The following ANKRD55 variants were observed in gnomAD, a reference collection of about 807,000 sequenced individuals.
ANKRD55 encodes ankyrin repeat domain-containing protein 55.
Under a neutral mutation model 60.6 loss-of-function variants are expected in ANKRD55, and 41 were observed. That is an observed-to-expected ratio of 0.68 (90% CI 0.53 to 0.88). The LOEUF (loss-of-function observed/expected upper bound fraction) is 0.88, where lower values mean the gene tolerates loss of function less well. Among genes scored for constraint, ANKRD55 ranks in the 40% least tolerant of loss-of-function variants. The pLI, the probability that ANKRD55 is intolerant of heterozygous loss-of-function variation, is 0.00. For synonymous variants in ANKRD55, 264 were observed against 290.3 expected, an observed-to-expected ratio of 0.91 and a Z score of 0.92; for missense variants, 732 against 767.6, an observed-to-expected ratio of 0.95 and a Z score of 0.55.
At chr5:56,135,368 C>CTTTCTTTCTTTCTTTCT in intron 7 of ANKRD55, among the ~76,000 whole-genome samples, 1 of 49,190 alleles carries the variant, frequency 2.0e-5, no homozygotes, top group South Asian at 5.8e-4. Context: ...TCTTTCTTTC[C>CTTTCTTTCTTTCTTTCT]TTCTTTCTTT....
At chr5:56,135,294 G>GCTTGCTTGCTTT (rs1757547051) in intron 7 of ANKRD55, among the ~76,000 whole-genome samples, 5 of 84,460 alleles carry the variant, frequency 5.9e-5, no homozygotes, top group South Asian at 5.3e-4. Flanking sequence ...CTGCCTGCTT[G>GCTTGCTTGCTTT]CTTTCTTTCT....
chr5:56,179,800 T>G (rs1758816778), intron 3 of ANKRD55, among the ~76,000 whole-genome samples: 1 of 152,206 alleles, frequency 6.6e-6, no homozygotes, highest in Non-Finnish European at 1.5e-5. Context: ...TCCTGGGTGG[T>G]GCAAAGTAAT....
At chr5:56,188,796 T>C (rs1561285992) in intron 2 of ANKRD55, among the ~76,000 whole-genome samples, 1 of 152,210 alleles carries the variant, frequency 6.6e-6, no homozygotes, top group Non-Finnish European at 1.5e-5. Flanking sequence ...GTGTATTCGT[T>C]TGGATTTTCT....
At chr5:56,221,002 C>G (rs894487677) in intron 2 of ANKRD55, among the ~76,000 whole-genome samples, 1 of 152,188 alleles carries the variant, frequency 6.6e-6, no homozygotes, top group Non-Finnish European at 1.5e-5. Context: ...TGCTTCTAAA[C>G]CAGTACTGGT....
chr5:56,210,434 C>T (rs960907419), intron 2 of ANKRD55, among the ~76,000 whole-genome samples: 1 of 151,752 alleles, frequency 6.6e-6, no homozygotes, highest in Non-Finnish European at 1.5e-5. Context: ...CGGTGGCGGG[C>T]GCCTGTAGTC....
intron 2 of ANKRD55, among the ~76,000 whole-genome samples, chr5:56,195,317 A>G (rs1759204485): frequency 6.6e-6 from 1 of 152,250 alleles, no homozygotes; most frequent in African/African-American, 2.4e-5. Flanking sequence ...TGAGTGTGTC[A>G]TAACAGAATA....
At chr5:56,184,535 A>T (rs1758925057) in intron 2 of ANKRD55, among the ~76,000 whole-genome samples, 1 of 152,038 alleles carries the variant, frequency 6.6e-6, no homozygotes, top group Admixed American at 6.5e-5. Context: ...ACTGTAGGCA[A>T]CTCCTTTGAA....
At chr5:56,175,869 C>G (rs1382768828) in intron 4 of ANKRD55, among the ~76,000 whole-genome samples, 1 of 152,018 alleles carries the variant, frequency 6.6e-6, no homozygotes, top group African/African-American at 2.4e-5. Context: ...CAGAAATATC[C>G]CAAGAGAAAT....
chr5:56,137,328 C>A, intron 7 of ANKRD55: 1 of 1,532,298 alleles, frequency 6.5e-7, no homozygotes, highest in African/African-American at 1.4e-5. Context: ...TGAGCATATC[C>A]ATGGGAACAA....
intron 10 of ANKRD55, among the ~76,000 whole-genome samples, chr5:56,104,450 A>T (rs1160506795): frequency 1.3e-5 from 2 of 152,124 alleles, no homozygotes; most frequent in African/African-American, 4.8e-5. Context: ...CTCGGAGATG[A>T]AGGGGAGTTA....
At position 56,102,479 on chromosome 5, in the gene ANKRD55, A is replaced by G; in HGVS notation, c.1723+15T>C. ...ACACTTGCAAAGGAAGCTGCGGAAG[A>G]TTCATAATACTTACATTTTTGATCT... On this transcript the variant is annotated intron_variant, in intron 11 of 11. Coordinates refer to ENST00000341048, the MANE Select transcript of ANKRD55 (RefSeq NM_024669.3). 1.9e-6 allele frequency: 3 copies of G among 1,562,818 alleles called. No individual in the cohort carries two copies. The highest frequency in any genetic ancestry group is 2.6e-6 in the Non-Finnish European group (3 of 1,134,608).
chr5:56,126,601 A>AC (rs1045148030), intron 8 of ANKRD55, among the ~76,000 whole-genome samples: 1 of 151,892 alleles, frequency 6.6e-6, no homozygotes, highest in African/African-American at 2.4e-5. Context: ...AAGAAAAAAA[A>AC]AACAACCAAA....
intron 2 of ANKRD55, among the ~76,000 whole-genome samples, chr5:56,212,683 T>G (rs931008238): frequency 6.6e-6 from 1 of 152,182 alleles, no homozygotes; most frequent in African/African-American, 2.4e-5. Context: ...GTTCAACAAC[T>G]TTCCCAGAGT....
intron 8 of ANKRD55, 186 bp from the exon 9 acceptor site, chr5:56,116,968 C>T (rs903160541): frequency 1.9e-6 from 1 of 533,904 alleles, no homozygotes; most frequent in Non-Finnish European, 3.2e-6. Context: ...AGGGGCCTCT[C>T]CTCTAGCTCT....
chr5:56,153,834 G>T (rs1288485317), intron 6 of ANKRD55, among the ~76,000 whole-genome samples: 1 of 150,630 alleles, frequency 6.6e-6, no homozygotes, highest in Non-Finnish European at 1.5e-5. Context: ...ACTCCATCTC[G>T]AAAAAAACAA....
At chr5:56,231,822 A>G (rs1669587745) in intron 2 of ANKRD55, among the ~76,000 whole-genome samples, 1 of 152,178 alleles carries the variant, frequency 6.6e-6, no homozygotes, top group Non-Finnish European at 1.5e-5. Flanking sequence ...CTGGGCTAAA[A>G]TAATTCACCC....
chr5:56,162,662 A>G (rs1237693156), intron 5 of ANKRD55, among the ~76,000 whole-genome samples: 1 of 118,718 alleles, frequency 8.4e-6, no homozygotes, highest in Admixed American at 9.0e-5. Flanking sequence ...TTGTTGGTCA[A>G]TTTTTGGTCA....
chr5:56,159,792 A>G, intron 6 of ANKRD55, 41 bp downstream of exon 6: 1 of 1,599,486 alleles, frequency 6.3e-7, no homozygotes, highest in Non-Finnish European at 8.6e-7. Context: ...TTTCACCCTC[A>G]CATGCAAAAT....
At chr5:56,108,954 T>C (rs942517335) in intron 10 of ANKRD55, among the ~76,000 whole-genome samples, 2 of 151,834 alleles carry the variant, frequency 1.3e-5, no homozygotes, top group Non-Finnish European at 2.9e-5. Context: ...GGAGAATTGC[T>C]TGAACCCAGG....
Sources: gnomAD v4.1 joint callset for allele counts (sites outside exome capture counted in the v4.1 genomes callset) on GRCh38, gnomAD v4.1.1 for gene constraint, MANE v1.5 for transcripts, NCBI Gene and HGNC (gene_info 2026-07-23, HGNC 2026-07-21) for gene names.